Variants in ENPP1 observed in about 807,000 individuals in gnomAD.
ENPP1 encodes the protein ectonucleotide pyrophosphatase/phosphodiesterase family member 1.
Under a neutral mutation model 122.8 loss-of-function variants are expected in ENPP1, and 73 were observed. The observed-to-expected ratio is 0.59, with a 90% CI of 0.49 to 0.72. The LOEUF (loss-of-function observed/expected upper bound fraction) is 0.72. ENPP1 is among the 30% of genes least tolerant of loss of function. ENPP1 has a pLI of 0.00. For missense variants in ENPP1, 978 were observed against 1,128.1 expected (o/e 0.87, Z 1.91); for synonymous variants, 367 against 391.6 (o/e 0.94, Z 0.74).
intron 7 of ENPP1, among the ~76,000 whole-genome samples, chr6:131,859,331 T>C (rs938040278): frequency 2.6e-5 from 4 of 152,190 alleles, no homozygotes; most frequent in Non-Finnish European, 5.9e-5. Context: ...AGAAATGCTT[T>C]ACTCAGCAAT....
intron 6 of ENPP1, 86 bp from the exon 7 acceptor site, chr6:131,858,582 T>C (rs1781978725): frequency 1.2e-6 from 1 of 850,186 alleles, no homozygotes; most frequent in East Asian, 2.6e-5. Context: ...TTTTACGTGA[T>C]TTAGACTGCT....
intron 16 of ENPP1, 70 bp from the exon 17 acceptor site, chr6:131,875,706 A>T: frequency 8.8e-7 from 1 of 1,140,406 alleles, no homozygotes; most frequent in Non-Finnish European, 1.3e-6. Context: ...CAATGTGGAT[A>T]ACAGAATTTT....
At chr6:131,862,021 T>C (rs1432172328) in intron 9 of ENPP1, among the ~76,000 whole-genome samples, 2 of 151,700 alleles carry the variant, frequency 1.3e-5, no homozygotes, top group African/African-American at 2.4e-5. Flanking sequence ...ATACAAAAAT[T>C]AGCCAGGCGT....
intron 1 of ENPP1, among the ~76,000 whole-genome samples, chr6:131,839,308 C>A (rs1781712782): frequency 6.6e-6 from 1 of 151,936 alleles, no homozygotes; most frequent in Non-Finnish European, 1.5e-5. Flanking sequence ...CCCCTCTCCC[C>A]TTTACCATTC....
At position 131,892,679 on chromosome 6, in the gene ENPP1, C is replaced by G. The variant is rs992981177; in HGVS notation, c.*2168C>G. The stretch of plus-strand genomic sequence containing the variant: ...CAGAGCTTAATTAAATGGATAGATG[C>G]CTGTTCCCTTTGCTGGATACCAAGA... On this transcript the variant is annotated 3_prime_UTR_variant, in exon 25 of 25. Coordinates refer to ENST00000647893, the MANE Select transcript of ENPP1 (RefSeq NM_006208.3). 6.6e-6 allele frequency: 1 copy of G among 151,400 alleles called. No individual in the cohort carries two copies. The highest frequency in any genetic ancestry group is 1.5e-5 in the Non-Finnish European group (1 of 67,792). The allele number at this position is 151,400 out of a possible 1,614,324, so 9.4% of individuals were successfully genotyped here.
chr6:131,858,533 G>T, intron 6 of ENPP1, 135 bp from the exon 7 acceptor site: 1 of 637,694 alleles, frequency 1.6e-6, no homozygotes, highest in South Asian at 1.9e-5. Flanking sequence ...AATTCATCCT[G>T]AATTTTTATC....
chr6:131,887,112 A>G (rs867356376), intron 24 of ENPP1, among the ~76,000 whole-genome samples: 14 of 151,800 alleles, frequency 9.2e-5, no homozygotes, highest in Admixed American at 2.0e-4. Context: ...CAAACTTTGT[A>G]TGGCTTAACC....
intron 24 of ENPP1, 130 bp from the exon 25 acceptor site, chr6:131,890,211 C>G: frequency 5.2e-6 from 4 of 762,398 alleles, no homozygotes; most frequent in Non-Finnish European, 9.4e-6. Context: ...TGATGCCTAA[C>G]AAATCATGTG....
chr6:131,882,095 A>G (rs1782318586), intron 20 of ENPP1, among the ~76,000 whole-genome samples: 1 of 151,906 alleles, frequency 6.6e-6, no homozygotes. Context: ...TCTAAACATT[A>G]TTTCATATTA....
intron 16 of ENPP1, 83 bp from the exon 17 acceptor site, chr6:131,875,693 G>C: frequency 1.0e-6 from 1 of 984,544 alleles, no homozygotes; most frequent in Non-Finnish European, 1.6e-6. Flanking sequence ...GTTTGTATAT[G>C]TACAATGTGG....
At chr6:131,823,401 G>A (rs1287226934) in intron 1 of ENPP1, among the ~76,000 whole-genome samples, 2 of 152,080 alleles carry the variant, frequency 1.3e-5, no homozygotes, top group Non-Finnish European at 2.9e-5. Context: ...GTAGGGCTCA[G>A]ATATGTTTCA....
chr6:131,878,327 C>T (rs1418571667), intron 18 of ENPP1, among the ~76,000 whole-genome samples: 1 of 151,930 alleles, frequency 6.6e-6, no homozygotes, highest in Non-Finnish European at 1.5e-5. Flanking sequence ...GCCCAGTAGG[C>T]CAAGGCTGCA....
At chr6:131,852,322 A>T (rs1334852614) in intron 5 of ENPP1, 87 bp downstream of exon 5, 1 of 817,916 alleles carries the variant, frequency 1.2e-6, no homozygotes, top group East Asian at 2.5e-5. Context: ...GATAAAAATA[A>T]TAAAATCACT....
At chr6:131,860,773 T>G (rs1015835183) in intron 8 of ENPP1, among the ~76,000 whole-genome samples, 4 of 152,016 alleles carry the variant, frequency 2.6e-5, no homozygotes, top group Admixed American at 6.6e-5. Context: ...CAGTAGCATA[T>G]AGCAGTAGTA....
chr6:131,893,327 A>G lies in ENPP1; in HGVS notation c.*2816A>G, dbSNP rs141274131. On this transcript the variant is annotated 3_prime_UTR_variant, in exon 25 of 25. Coordinates refer to ENST00000647893, the MANE Select transcript of ENPP1 (RefSeq NM_006208.3). ...GACAGCAGAAGTGTAAATGATCCCTAAAGAGTGATAGATGTTATCATGAAG... is the reference window on the plus strand; with the variant it reads ...GACAGCAGAAGTGTAAATGATCCCTGAAGAGTGATAGATGTTATCATGAAG... 3.4e-4 allele frequency: 52 copies of G among 152,314 alleles called. 1 individual carries two copies. Among genetic ancestry groups the G allele is most frequent in the African/African-American group, 1.3e-3 (52 of 41,538 alleles). 9.4% of individuals were successfully genotyped at this position (152,314 alleles called of 1,614,324 possible). A position where few individuals can be genotyped will look rare whatever the true frequency, so the allele number is the denominator to read the frequency against.
intron 17 of ENPP1, among the ~76,000 whole-genome samples, chr6:131,876,087 T>C (rs1782227493): frequency 6.6e-6 from 1 of 152,150 alleles, no homozygotes; most frequent in African/African-American, 2.4e-5. Context: ...AGTACACCAC[T>C]CACAGCAGGG....
rs188257341 is a variant in ENPP1 at position 131,843,593 on chromosome 6, C to T, written c.241-4183C>T. ...GCCCCTTTCAGCCATTCCACCCATG[C>T]CTTAATTCTCTTATCCCCTTTTGTA... On this transcript the variant is annotated intron_variant, in intron 1 of 24. Coordinates refer to ENST00000647893, the MANE Select transcript of ENPP1 (RefSeq NM_006208.3). 3.5e-3 allele frequency among the ~76,000 whole-genome samples: 538 copies of T among 152,070 alleles called. 4 individuals are homozygous for T. The highest frequency in any genetic ancestry group is 9.8e-3 in the African/African-American group (406 of 41,480).
chr6:131,876,007 C>T (rs1182971045), intron 17 of ENPP1, 144 bp downstream of exon 17: 1 of 708,290 alleles, frequency 1.4e-6, no homozygotes, highest in Non-Finnish European at 2.6e-6. Flanking sequence ...CTCAGACTCA[C>T]TGAAGAAATG....
At chr6:131,861,332 C>T (rs959223534) in intron 8 of ENPP1, among the ~76,000 whole-genome samples, 1 of 152,076 alleles carries the variant, frequency 6.6e-6, no homozygotes, top group African/African-American at 2.4e-5. Flanking sequence ...CATGTATATT[C>T]GTGAATTTTT....
Sources: gnomAD v4.1 joint callset for allele counts (sites outside exome capture counted in the v4.1 genomes callset) on GRCh38, gnomAD v4.1.1 for gene constraint, MANE v1.5 for transcripts, NCBI Gene and HGNC (gene_info 2026-07-23, HGNC 2026-07-21) for gene names.